Variants in CACNA2D3 observed in about 807,000 individuals in gnomAD.
CACNA2D3 encodes the protein voltage-dependent calcium channel subunit alpha-2/delta-3.
Under a neutral mutation model 160.6 loss-of-function variants are expected in CACNA2D3, and 60 were observed. The ratio of observed to expected loss-of-function variants is 0.37; its 90% CI spans 0.30 to 0.46. The LOEUF is 0.46. Ranked by LOEUF, CACNA2D3 falls within the 20% of genes least tolerant of loss-of-function variation. CACNA2D3 has a pLI of 1.00. For missense variants in CACNA2D3, 1,205 were observed against 1,365.0 expected (o/e 0.88, Z 1.85); for synonymous variants, 558 against 492.9 (o/e 1.13, Z -1.75).
At chr3:54,596,646 C>G (rs974947417) in intron 9 of CACNA2D3, among the ~76,000 whole-genome samples, 1 of 152,006 alleles carries the variant, frequency 6.6e-6, no homozygotes, top group African/African-American at 2.4e-5. Flanking sequence ...ATGACCTCTT[C>G]CCACCCCTGG....
chr3:54,129,183 C>T (rs915840067), intron 2 of CACNA2D3, among the ~76,000 whole-genome samples: 1 of 152,198 alleles, frequency 6.6e-6, no homozygotes, highest in East Asian at 1.9e-4. Context: ...TAAGCCCCTT[C>T]GACAGCCCAG....
intron 35 of CACNA2D3, among the ~76,000 whole-genome samples, chr3:55,038,322 G>A (rs980200663): frequency 6.6e-6 from 1 of 152,072 alleles, no homozygotes; most frequent in African/African-American, 2.4e-5. Flanking sequence ...CGCAGGAGAC[G>A]CATTTTTCCA....
chr3:54,245,338 A>G (rs1429826872), intron 2 of CACNA2D3, among the ~76,000 whole-genome samples: 4 of 151,242 alleles, frequency 2.6e-5, no homozygotes, highest in African/African-American at 9.7e-5. Flanking sequence ...GGAGAGAGAG[A>G]TTGAGAGAGA....
chr3:54,154,238 A>G (rs1433393464), intron 2 of CACNA2D3, among the ~76,000 whole-genome samples: 2 of 152,244 alleles, frequency 1.3e-5, no homozygotes, highest in Non-Finnish European at 2.9e-5. Context: ...GAGAAAAAAC[A>G]TAGCCAATAC....
rs550106292 is a variant in CACNA2D3, at chr3:55,045,879, A to C, written c.2987+27562A>C. On this transcript the variant is annotated intron_variant, in intron 35 of 37. Coordinates refer to ENST00000474759, the MANE Select transcript of CACNA2D3 (RefSeq NM_018398.3). ...TAGTTTGATTTCTCTATTGTTTTCT[A>C]TTCTCAATTCTAATATTCTCTTCTT... 3.3e-5 allele frequency among the ~76,000 whole-genome samples: 5 copies of C among 151,938 alleles called. No individual in the cohort carries two copies. The South Asian group carries it at 1.0e-3, about 32-fold the overall frequency.
At chr3:55,058,936 C>T (rs1704433229) in intron 35 of CACNA2D3, among the ~76,000 whole-genome samples, 2 of 152,132 alleles carry the variant, frequency 1.3e-5, no homozygotes, top group Non-Finnish European at 2.9e-5. Context: ...CCCGCCGCCG[C>T]TCTTTTTTTC....
chr3:54,517,704 G>A (rs1701575884), intron 5 of CACNA2D3, among the ~76,000 whole-genome samples: 1 of 152,176 alleles, frequency 6.6e-6, no homozygotes, highest in African/African-American at 2.4e-5. Flanking sequence ...TCTCTGAGGG[G>A]ACTCCTGAGC....
intron 4 of CACNA2D3, among the ~76,000 whole-genome samples, chr3:54,462,380 A>G (rs536937319): frequency 1.3e-5 from 2 of 152,270 alleles, no homozygotes; most frequent in East Asian, 3.9e-4. Flanking sequence ...TGGGGTGTTA[A>G]CATCTCCCAT....
intron 11 of CACNA2D3, among the ~76,000 whole-genome samples, chr3:54,662,048 C>T (rs549721211): frequency 1.3e-4 from 20 of 152,232 alleles, no homozygotes; most frequent in African/African-American, 3.9e-4. Flanking sequence ...TCTGTATTAA[C>T]TCTATGCATC....
At chr3:54,380,079 A>G (rs1699074531) in intron 3 of CACNA2D3, among the ~76,000 whole-genome samples, 1 of 152,200 alleles carries the variant, frequency 6.6e-6, no homozygotes, top group South Asian at 2.1e-4. Context: ...TGAAAATGTA[A>G]ATCTGAACAA....
intron 2 of CACNA2D3, among the ~76,000 whole-genome samples, chr3:54,285,934 A>G (rs1168202147): frequency 6.6e-6 from 1 of 152,220 alleles, no homozygotes; most frequent in African/African-American, 2.4e-5. Context: ...TCTGTACGTC[A>G]CCATCATCAA....
At chr3:54,885,195 C>T (rs566031244) in intron 21 of CACNA2D3, 86 bp from the exon 22 acceptor site, 27 of 1,442,296 alleles carry the variant, frequency 1.9e-5, no homozygotes, top group African/African-American at 2.8e-5. Flanking sequence ...TAACCCACCC[C>T]GCAGCCCTAC....
chr3:54,472,439 A>T (rs993690378), intron 4 of CACNA2D3, among the ~76,000 whole-genome samples: 1 of 152,240 alleles, frequency 6.6e-6, no homozygotes, highest in African/African-American at 2.4e-5. Context: ...AGCCAATATC[A>T]TACTGAATGG....
At chr3:54,278,356 T>C (rs1053545934) in intron 2 of CACNA2D3, among the ~76,000 whole-genome samples, 2 of 152,152 alleles carry the variant, frequency 1.3e-5, no homozygotes, top group Non-Finnish European at 2.9e-5. Context: ...CTGGAGAGGA[T>C]GTGGAGAAAT....
At chr3:54,575,936 G>A (rs953075907) in intron 8 of CACNA2D3, among the ~76,000 whole-genome samples, 14 of 152,156 alleles carry the variant, frequency 9.2e-5, no homozygotes, top group African/African-American at 3.1e-4. Context: ...GTGGGTGAAT[G>A]TGGAGGCAAG....
At chr3:54,295,534 G>T (rs1017600607) in intron 2 of CACNA2D3, among the ~76,000 whole-genome samples, 4 of 152,184 alleles carry the variant, frequency 2.6e-5, no homozygotes, top group African/African-American at 9.7e-5. Context: ...GGAAAGACGG[G>T]ACAACTCAAA....
intron 10 of CACNA2D3, among the ~76,000 whole-genome samples, chr3:54,634,110 C>G (rs528107946): frequency 3.9e-5 from 6 of 152,276 alleles, no homozygotes; most frequent in African/African-American, 1.4e-4. Flanking sequence ...GAAGACTAGG[C>G]ATTAATATCT....
intron 4 of CACNA2D3, among the ~76,000 whole-genome samples, chr3:54,428,002 T>C (rs1447143138): frequency 6.6e-6 from 1 of 152,222 alleles, no homozygotes; most frequent in African/African-American, 2.4e-5. Flanking sequence ...ACCAGCTGTT[T>C]TCACTGTATC....
chr3:54,729,504 G>A (rs1016991933), intron 11 of CACNA2D3, among the ~76,000 whole-genome samples: 2 of 152,168 alleles, frequency 1.3e-5, no homozygotes, highest in African/African-American at 4.8e-5. Context: ...TGGGCTCGTT[G>A]GTTCTCACTG....
Sources: gnomAD v4.1 joint callset for allele counts (sites outside exome capture counted in the v4.1 genomes callset) on GRCh38, gnomAD v4.1.1 for gene constraint, MANE v1.5 for transcripts, NCBI Gene and HGNC (gene_info 2026-07-23, HGNC 2026-07-21) for gene names.